Variants in SIPA1 observed in about 807,000 individuals in gnomAD.
SIPA1 encodes signal-induced proliferation-associated 1, also known as signal-induced proliferation-associated protein 1.
Under a neutral mutation model 88.1 loss-of-function variants are expected in SIPA1, and 51 were observed. That is an observed-to-expected ratio of 0.58 (90% CI 0.46 to 0.73). The LOEUF is 0.73. SIPA1 is among the 30% of genes least tolerant of loss of function. SIPA1 has a pLI of 0.00. For synonymous variants in SIPA1, 681 were observed against 664.8 expected (o/e 1.02, Z -0.37); for missense variants, 1,348 against 1,467.6 (o/e 0.92, Z 1.33).
At chr11:65,643,314 C>CCCACAG (rs1856045987) in intron 4 of SIPA1, among the ~76,000 whole-genome samples, 1 of 152,238 alleles carries the variant, frequency 6.6e-6, no homozygotes, top group Non-Finnish European at 1.5e-5. Flanking sequence ...GCCAATTTCC[C>CCCACAG]CCACAGCCCC....
At position 65,649,993 on chromosome 11, in the gene SIPA1, G is replaced by C; in HGVS notation, c.2790G>C (p.Gln930His). The C allele has an allele frequency of 6.2e-7, 1 of 1,614,044 alleles. No homozygotes were observed. The highest frequency in any genetic ancestry group is 8.5e-7 in the Non-Finnish European group (1 of 1,180,020). Residue 930 changes from glutamine to histidine, a missense_variant, in exon 13 of 16, where the codon CAG (glutamine) becomes CAC (histidine). Around this residue, in one of 4 missense-constraint regions of SIPA1, gnomAD observed 615 missense variants for 559.8 expected, o/e 1.10. Transcript: ENST00000534313. ...GTGGGACCCTGGAGGACGAGTGGCAGGCCATCTCGGAGATTGCCTCTACTT... is the reference window on the plus strand; with the variant it reads ...GTGGGACCCTGGAGGACGAGTGGCACGCCATCTCGGAGATTGCCTCTACTT... ...AGSGTLEDEW[Q>H]AISEIASTCN... is the part of the protein sequence containing the mutation.
chr11:65,646,002 G>A lies in SIPA1; in HGVS notation c.1263+45G>A. 2.1e-6 allele frequency: 3 copies of A among 1,460,138 alleles called. No homozygotes were observed. Among genetic ancestry groups the A allele is most frequent in the Non-Finnish European group, 2.9e-6 (3 of 1,052,042 alleles). 90.4% of individuals were successfully genotyped at this position (1,460,138 alleles called of 1,614,324 possible). A position where few individuals can be genotyped will look rare whatever the true frequency, so the allele number is the denominator to read the frequency against. ...GGGGGTGGGGCTTCCGGGAACCATG[G>A]AGGGCCCTGCATGGCCCATGACGTT... On this transcript the variant is annotated intron_variant, in intron 6 of 15. Coordinates refer to ENST00000534313, the MANE Select transcript of SIPA1 (RefSeq NM_006747.4). The surrounding 1 kb of genome is among the most constrained non-coding windows in gnomAD (Gnocchi z 7.5).
Position 65,646,741 on chromosome 11 carries a change from G to C in SIPA1, c.1707G>C (p.Arg569=). The change falls in exon 8 of 16, where the codon CGG becomes CGC. Residue 569 remains arginine (R), a synonymous_variant. Transcript: ENST00000534313. The surrounding 1 kb of genome is among the most constrained non-coding windows in gnomAD (Gnocchi z 7.5). ...GTGGGAGGCGCCGGGCGGCCCCTCG[G>C]GGCCCAGGCGCCGAGCTGCAGGCAG... ...SLGGRRRAAP[R]GPGAELQAAG... 6.6e-7 allele frequency: 1 copy of C among 1,517,836 alleles called. No individual in the cohort carries two copies. Among genetic ancestry groups the C allele is most frequent in the Non-Finnish European group, 8.8e-7 (1 of 1,137,896 alleles). The allele number at this position is 1,517,836 out of a possible 1,614,324, so 94.0% of individuals were successfully genotyped here.
rs770570991 is a variant in SIPA1, at chr11:65,649,497, T to A, written c.2525+17T>A. The stretch of plus-strand genomic sequence containing the variant: ...ACCACGCAGGTGCACACTCTTGGCC[T>A]TCCCTCTCCTCCAGGCCTCTGGGAA... On this transcript the variant is annotated intron_variant, in intron 10 of 15. Coordinates refer to ENST00000534313, the MANE Select transcript of SIPA1 (RefSeq NM_006747.4). 8 of 1,613,678 alleles carry A rather than the reference T, an allele frequency of 5.0e-6. No individual in the cohort carries two copies. The highest frequency in any genetic ancestry group is 6.8e-6 in the Non-Finnish European group (8 of 1,179,656).
At chr11:65,650,244 T>C (rs776748830) in intron 14 of SIPA1, 52 bp downstream of exon 14, 12 of 1,588,414 alleles carry the variant, frequency 7.6e-6, no homozygotes, top group Non-Finnish European at 9.5e-6. Flanking sequence ...TGACCCCCCC[T>C]TCGTGCCTGT....
intron 9 of SIPA1, 136 bp from the exon 10 acceptor site, chr11:65,649,124 CAG>C: frequency 1.6e-6 from 1 of 634,526 alleles, no homozygotes; most frequent in Non-Finnish European, 2.7e-6. Context: ...AGTAACCAGG[CAG>C]ACATTTTTCA....
chr11:65,648,530 C>G (rs1231152598), intron 9 of SIPA1, among the ~76,000 whole-genome samples: 2 of 152,100 alleles, frequency 1.3e-5, no homozygotes, highest in African/African-American at 4.8e-5. Context: ...GATTTTTCCA[C>G]TAGTTAAAAA....
At chr11:65,647,142 T>G in intron 8 of SIPA1, 77 bp downstream of exon 8, 1 of 1,421,878 alleles carries the variant, frequency 7.0e-7, no homozygotes, top group Non-Finnish European at 9.2e-7. Context: ...TCCCGCCGCC[T>G]TTGTCCCCTA....
chr11:65,647,451 T>C lies in SIPA1; in HGVS notation c.2099T>C (p.Phe700Ser). 6.7e-7 allele frequency: 1 copy of C among 1,482,520 alleles called. No homozygotes were observed. Among genetic ancestry groups the C allele is most frequent in the Non-Finnish European group, 8.9e-7 (1 of 1,124,820 alleles). 91.8% of individuals were successfully genotyped at this position (1,482,520 alleles called of 1,614,324 possible). The change falls in exon 9 of 16, where the codon TTC becomes TCC. Residue 700 changes from phenylalanine (F) to serine (S), a missense_variant. By Grantham distance (155) the Phe-to-Ser change is radical. Transcript: ENST00000534313. ...LPRDGQGRLG[F>S]EVDAEGFVTH... ...CGCGACGGTCAAGGCCGCCTGGGCTTCGAGGTGGACGCCGAGGGATTCGTC... is the reference window on the plus strand; with the variant it reads ...CGCGACGGTCAAGGCCGCCTGGGCTCCGAGGTGGACGCCGAGGGATTCGTC...
rs1855973004 is a variant in SIPA1, at chr11:65,640,112, G to C, written c.-91-719G>C. ...AGCCTGCAAGAAGGTGAGTTGGCCT[G>C]TCCTTCAGGGCAGGGTGACTGGGGT... On this transcript the variant is annotated intron_variant, in intron 1 of 15. Transcript: ENST00000534313. 2.0e-5 allele frequency: 3 copies of C among 152,416 alleles called. No individual in the cohort carries two copies. The South Asian group carries it at 6.2e-4, about 32-fold the overall frequency. The allele number at this position is 152,416 out of a possible 1,614,324, so 9.4% of individuals were successfully genotyped here. A position where few individuals can be genotyped will look rare whatever the true frequency, so the allele number is the denominator to read the frequency against.
chr11:65,650,368 G>C lies in SIPA1; in HGVS notation c.2904-33G>C, dbSNP rs756014054. Reference sequence around the variant, plus strand: ...CAGCTGGTGCACTGCCCCCTGCCTTGGTCCTGCTGAGTCTTGACCCCCATG... The same window carrying C: ...CAGCTGGTGCACTGCCCCCTGCCTTCGTCCTGCTGAGTCTTGACCCCCATG... On this transcript the variant is annotated intron_variant, in intron 14 of 15. Coordinates refer to ENST00000534313, the MANE Select transcript of SIPA1 (RefSeq NM_006747.4). 5 of 1,608,236 alleles carry C rather than the reference G, an allele frequency of 3.1e-6. No individual in the cohort carries two copies. The Admixed American group carries it at 8.3e-5, about 27-fold the overall frequency.
Position 65,647,074 on chromosome 11 carries a change from G to T in SIPA1, c.2031+9G>T. ...TGGTGGCGCGCCTGCAGGTGAGCTGGAGTGGTAAACTGGGGCCCCTGCGCG... is the reference window on the plus strand; with the variant it reads ...TGGTGGCGCGCCTGCAGGTGAGCTGTAGTGGTAAACTGGGGCCCCTGCGCG... On this transcript the variant is annotated intron_variant, in intron 8 of 15. Transcript: ENST00000534313. 3 of 1,525,056 alleles carry T rather than the reference G, an allele frequency of 2.0e-6. No individual in the cohort carries two copies. Among genetic ancestry groups the T allele is most frequent in the East Asian group, 4.8e-5 (2 of 41,312 alleles). 94.5% of individuals were successfully genotyped at this position (1,525,056 alleles called of 1,614,324 possible). A position where few individuals can be genotyped will look rare whatever the true frequency, so the allele number is the denominator to read the frequency against.
At position 65,649,349 on chromosome 11, in the gene SIPA1, G is replaced by C. The variant is rs755839592; in HGVS notation, c.2394G>C (p.Val798=). 12 of 1,562,508 alleles carry C rather than the reference G, an allele frequency of 7.7e-6. No individual in the cohort carries two copies. In the African/African-American group the frequency reaches 1.6e-4, roughly 21 times the overall value. ...PDPVQDEVQG[V]TLLPTTKQLL... is the part of the protein sequence containing the mutation. ...CTGTGCAGGATGAGGTCCAGGGGGT[G>C]ACCCTGCTGCCCACCACAAAGCAGC... Residue 798 remains valine, a synonymous_variant, in exon 10 of 16, where the codon GTG becomes GTC. Coordinates refer to ENST00000534313, the MANE Select transcript of SIPA1 (RefSeq NM_006747.4).
chr11:65,642,059 TGGGTCCACCTCTGGGTCA>T lies in SIPA1; in HGVS notation c.680-186_680-169del. ...GGCCGCGTGGGTCTAGGTCTGGGTC[TGGGTCCACCTCTGGGTCA>T]GGGTTGAGATCAAGATATTGAGCTC... On this transcript the variant is annotated intron_variant, in intron 2 of 15. Transcript: ENST00000534313. This position sits in a 1 kb window ranked among gnomAD's most constrained non-coding sequence, Gnocchi z 6.5. 1 of 795,208 alleles carries T rather than the reference TGGGTCCACCTCTGGGTCA, an allele frequency of 1.3e-6. No individual in the cohort carries two copies. Among genetic ancestry groups the T allele is most frequent in the Non-Finnish European group, 1.9e-6 (1 of 518,070 alleles). The allele number at this position is 795,208 out of a possible 1,614,324, so 49.3% of individuals were successfully genotyped here. A position where few individuals can be genotyped will look rare whatever the true frequency, so the allele number is the denominator to read the frequency against.
chr11:65,642,092 A>G lies in SIPA1; in HGVS notation c.680-158A>G. On this transcript the variant is annotated intron_variant, in intron 2 of 15. Coordinates refer to ENST00000534313, the MANE Select transcript of SIPA1 (RefSeq NM_006747.4). This position sits in a 1 kb window ranked among gnomAD's most constrained non-coding sequence, Gnocchi z 6.5. ...CCTCTGGGTCAGGGTTGAGATCAAGATATTGAGCTCGGGGCTACAGAGGGG... is the reference window on the plus strand; with the variant it reads ...CCTCTGGGTCAGGGTTGAGATCAAGGTATTGAGCTCGGGGCTACAGAGGGG... The G allele has an allele frequency of 9.4e-7, 1 of 1,066,962 alleles. No individual in the cohort carries two copies. Among genetic ancestry groups the G allele is most frequent in the South Asian group, 1.5e-5 (1 of 65,098 alleles). 66.1% of individuals were successfully genotyped at this position (1,066,962 alleles called of 1,614,324 possible).
chr11:65,647,416 G>T lies in SIPA1; in HGVS notation c.2064G>T (p.Leu688=). The T allele has an allele frequency of 6.8e-7, 1 of 1,472,488 alleles. No individual in the cohort carries two copies. The highest frequency in any genetic ancestry group is 3.0e-5 in the East Asian group (1 of 33,306). The allele number at this position is 1,472,488 out of a possible 1,614,324, so 91.2% of individuals were successfully genotyped here. A position where few individuals can be genotyped will look rare whatever the true frequency, so the allele number is the denominator to read the frequency against. ...GCCGTGGCTGCGAGACCCGCGAGCT[G>T]GCGCTGCCCCGCGACGGTCAAGGCC... ...LVSRGCETRE[L]ALPRDGQGRL... The change falls in exon 9 of 16, where the codon CTG becomes CTT. Residue 688 remains leucine (L), a synonymous_variant. Transcript: ENST00000534313.
chr11:65,640,732 AG>A lies in SIPA1; in HGVS notation c.-91-94del, dbSNP rs1855983307. 15 of 514,006 alleles carry A rather than the reference AG, an allele frequency of 2.9e-5. No homozygotes were observed. In the South Asian group the frequency reaches 4.2e-4, roughly 14 times the overall value. The allele number at this position is 514,006 out of a possible 1,614,324, so 31.8% of individuals were successfully genotyped here. On this transcript the variant is annotated intron_variant, in intron 1 of 15. Coordinates refer to ENST00000534313, the MANE Select transcript of SIPA1 (RefSeq NM_006747.4). The stretch of plus-strand genomic sequence containing the variant: ...GCGGAAGCAGCTTTGATGGTCTCGG[AG>A]GGGGCCGGAAGCCAACACGGGTGGT...
Position 65,650,161 on chromosome 11 carries a change from G to A in SIPA1, c.2872G>A (p.Asp958Asn), listed in dbSNP as rs1206667732. ...REGQPIPESG[D>N]PKGTPKSDAE... Reference sequence around the variant, plus strand: ...AGGACAGCCCATCCCAGAGAGTGGAGACCCTAAGGGAACTCCAAAATCTGA... The same window carrying A: ...AGGACAGCCCATCCCAGAGAGTGGAAACCCTAAGGGAACTCCAAAATCTGA... The change falls in exon 14 of 16, where the codon GAC (aspartate) becomes AAC (asparagine). Residue 958 changes from aspartate to asparagine, a missense_variant. Transcript: ENST00000534313. 5 of 1,614,010 alleles carry A rather than the reference G, an allele frequency of 3.1e-6. No individual in the cohort carries two copies. Among genetic ancestry groups the A allele is most frequent in the Middle Eastern group, 1.6e-4 (1 of 6,084 alleles).
Position 65,638,974 on chromosome 11 carries a change from C to T in SIPA1, c.-92+792C>T, listed in dbSNP as rs775004556. ...TCACACACTATAGCCCAGGCCCGAGCGCTGAATGTGCCCAGAGCTTGGCTC... is the reference window on the plus strand; with the variant it reads ...TCACACACTATAGCCCAGGCCCGAGTGCTGAATGTGCCCAGAGCTTGGCTC... On this transcript the variant is annotated intron_variant, in intron 1 of 15. Coordinates refer to ENST00000534313, the MANE Select transcript of SIPA1 (RefSeq NM_006747.4). 6.6e-5 allele frequency among the ~76,000 whole-genome samples: 10 copies of T among 152,230 alleles called. No individual in the cohort carries two copies. The East Asian group carries it at 9.6e-4, about 15-fold the overall frequency.
Sources: allele counts gnomAD v4.1 joint callset (sites outside exome capture counted in the v4.1 genomes callset), GRCh38; gene constraint gnomAD v4.1.1; regional missense constraint gnomAD v4.1.1; non-coding constraint Gnocchi (gnomAD v3.1); transcripts MANE v1.5; gene names NCBI Gene and HGNC (gene_info 2026-07-23, HGNC 2026-07-21).